Variants in SLC41A3 observed in about 807,000 individuals in gnomAD.
The protein encoded by SLC41A3 is solute carrier family 41 member 3.
SLC41A3 carries 44 observed loss-of-function variants against 45.4 expected under a neutral mutation model. The observed-to-expected ratio is 0.97, with a 90% confidence interval of 0.76 to 1.25. SLC41A3 has a LOEUF of 1.25. Ranked by LOEUF, SLC41A3 falls within the 50% of genes most tolerant of loss-of-function variation. The pLI is 0.00. For synonymous variants in SLC41A3, 256 were observed against 252.4 expected (o/e 1.01, Z -0.13); for missense variants, 550 against 600.6 (o/e 0.92, Z 0.88).
upstream of SLC41A3, among the ~76,000 whole-genome samples, chr3:126,086,231 T>C (rs1189423355): frequency 6.6e-6 from 1 of 152,148 alleles, no homozygotes; most frequent in Non-Finnish European, 1.5e-5. Context: ...AATATAATGA[T>C]CCTTGTGCAC....
At chr3:126,101,051 T>C (rs1021445680) in intron 1 of SLC41A3, among the ~76,000 whole-genome samples, 1 of 152,236 alleles carries the variant, frequency 6.6e-6, no homozygotes, top group Non-Finnish European at 1.5e-5. Flanking sequence ...CTCCATGATG[T>C]TGGACTCGGC....
At chr3:126,047,003 T>C (rs1943011595) in intron 3 of SLC41A3, among the ~76,000 whole-genome samples, 1 of 150,490 alleles carries the variant, frequency 6.6e-6, no homozygotes, top group South Asian at 2.1e-4. Context: ...ATGTCAATAC[T>C]AGCTGAAGAA....
chr3:126,064,263 G>A (rs931925670), intron 2 of SLC41A3, among the ~76,000 whole-genome samples: 1 of 152,242 alleles, frequency 6.6e-6, no homozygotes, highest in South Asian at 2.1e-4. Flanking sequence ...CAGCCCAAGA[G>A]CCTCCTTATC....
chr3:126,058,668 A>G (rs759931385), intron 2 of SLC41A3, among the ~76,000 whole-genome samples: 13 of 152,210 alleles, frequency 8.5e-5, no homozygotes, highest in Non-Finnish European at 1.3e-4. Context: ...CACAACCCAC[A>G]GGTGCACTGT....
In SLC41A3 at chr3:126,051,002, G is replaced by A. The variant is rs755229641; in HGVS notation, c.322C>T (p.Pro108Ser). 2 of 1,612,600 alleles carry A rather than the reference G, an allele frequency of 1.2e-6. No homozygotes were observed. The highest frequency in any genetic ancestry group is 1.1e-5 in the South Asian group (1 of 90,478). ...EVKDLLTLVPPLVGLKGNLEM... is the reference protein window; with the variant it reads ...EVKDLLTLVPSLVGLKGNLEM... ...AGGTTCCCCTTCAGGCCCACCAGGG[G>A]CGGCACCAATGTCAAAAGGTCTTTC... is the stretch of plus-strand genomic sequence containing the variant. The change falls in exon 3 of 11, where the codon CCC becomes TCC. Residue 108 changes from proline (P) to serine (S), a missense_variant. Pro to Ser is a moderately conservative substitution (Grantham distance 74, BLOSUM62 -1). Transcript: ENST00000360370.
At chr3:126,073,844 G>C (rs1189531513) in intron 1 of SLC41A3, among the ~76,000 whole-genome samples, 1 of 151,950 alleles carries the variant, frequency 6.6e-6, no homozygotes, top group Middle Eastern at 3.2e-3. Context: ...TTGGAGAAGG[G>C]AACACTTCCC....
intron 1 of SLC41A3, 60 bp from the exon 2 acceptor site, chr3:126,068,306 C>A: frequency 7.0e-7 from 1 of 1,419,614 alleles, no homozygotes; most frequent in Admixed American, 2.6e-5. Context: ...CGCTAACACC[C>A]AAGGAGCCTC....
At position 126,026,453 on chromosome 3, in the gene SLC41A3, CA is replaced by C; in HGVS notation, c.479del (p.Leu160TrpfsTer43). 1 of 1,604,298 alleles carries C rather than the reference CA, an allele frequency of 6.2e-7. No homozygotes were observed. The highest frequency in any genetic ancestry group is 1.1e-5 in the South Asian group (1 of 89,076). On this transcript the variant is annotated frameshift_variant, in exon 5 of 11. Coordinates refer to ENST00000360370, the MANE Select transcript of SLC41A3 (RefSeq NM_017836.4). LOFTEE classifies it high-confidence loss of function. The surrounding 1 kb of genome is among the most constrained non-coding windows in gnomAD (Gnocchi z 4.2). ...CCAACAGCAGCGCAGCCACAGCAGC[CA>C]AGAGCCCCACGACAGTGGCCTGCAC... Reference protein sequence around the residue: ...IQVQATVVGLLAAVAALLLGV... With the variant: ...IQVQATVVGLXAAVAALLLGV...
At chr3:126,064,759 C>T (rs188574434) in intron 2 of SLC41A3, among the ~76,000 whole-genome samples, 2 of 152,334 alleles carry the variant, frequency 1.3e-5, no homozygotes, top group Admixed American at 6.5e-5. Flanking sequence ...TTCTTCCCGG[C>T]ACATGCACAC....
At chr3:126,015,419 C>T in intron 8 of SLC41A3, 75 bp downstream of exon 8, 1 of 1,487,596 alleles carries the variant, frequency 6.7e-7, no homozygotes, top group Non-Finnish European at 9.3e-7. Flanking sequence ...CCTCTGAGGT[C>T]TGCTGTTCCG....
chr3:126,096,627 A>T (rs1056190900), intron 1 of SLC41A3, among the ~76,000 whole-genome samples: 3 of 152,290 alleles, frequency 2.0e-5, no homozygotes, highest in Non-Finnish European at 4.4e-5. Flanking sequence ...TGCTACAGAT[A>T]ACTAGCCAGA....
chr3:126,028,995 T>C (rs1224698101), intron 4 of SLC41A3, among the ~76,000 whole-genome samples: 1 of 152,258 alleles, frequency 6.6e-6, no homozygotes, highest in East Asian at 1.9e-4. Context: ...CCACTGTATC[T>C]TGAAAGTAAC....
intron 1 of SLC41A3, among the ~76,000 whole-genome samples, chr3:126,089,315 C>G (rs1945448131): frequency 6.6e-6 from 1 of 152,122 alleles, no homozygotes; most frequent in Non-Finnish European, 1.5e-5. Context: ...GTAAAATGGT[C>G]TTGGGGTAGA....
chr3:126,019,055 T>C (rs1940593531), intron 6 of SLC41A3, among the ~76,000 whole-genome samples: 1 of 152,200 alleles, frequency 6.6e-6, no homozygotes, highest in Non-Finnish European at 1.5e-5. Context: ...AGAAAACGAA[T>C]TTGTTCTTAC....
intron 3 of SLC41A3, among the ~76,000 whole-genome samples, chr3:126,035,107 G>C (rs945643785): frequency 3.3e-5 from 5 of 152,158 alleles, no homozygotes; most frequent in Non-Finnish European, 7.4e-5. Flanking sequence ...GACATGAGAG[G>C]GGAAGAAGTA....
chr3:126,021,518 A>C (rs1940880013), intron 6 of SLC41A3, among the ~76,000 whole-genome samples: 1 of 152,162 alleles, frequency 6.6e-6, no homozygotes, highest in South Asian at 2.1e-4. Flanking sequence ...CATTCCAGGC[A>C]CCAGTCATGG....
chr3:126,015,087 C>T (rs1439955697), intron 8 of SLC41A3, among the ~76,000 whole-genome samples: 4 of 152,186 alleles, frequency 2.6e-5, no homozygotes, highest in Admixed American at 6.5e-5. Flanking sequence ...TATCTGAGTT[C>T]TGATGTCAGC....
rs1939375773 is a variant in SLC41A3, at chr3:126,008,610, G to A, written c.1254+122C>T. ...GTTGACTCAACTCCTGGAAGATAAG[G>A]ACTGTGCCCCACACGTCCAGCCACC... On this transcript the variant is annotated intron_variant, in intron 10 of 10. Coordinates refer to ENST00000360370, the MANE Select transcript of SLC41A3 (RefSeq NM_017836.4). 5.1e-6 allele frequency: 7 copies of A among 1,364,460 alleles called. No homozygotes were observed. The South Asian group carries it at 7.9e-5, about 15-fold the overall frequency. 84.5% of individuals were successfully genotyped at this position (1,364,460 alleles called of 1,614,324 possible).
intron 2 of SLC41A3, among the ~76,000 whole-genome samples, chr3:126,059,255 G>GA (rs1188360547): frequency 3.6e-4 from 1 of 2,806 alleles, no homozygotes; most frequent in South Asian, 0.062. Flanking sequence ...AAGAAAGAAA[G>GA]AAAGAAAGAA....
Sources: gnomAD v4.1 joint callset for allele counts (sites outside exome capture counted in the v4.1 genomes callset) on GRCh38, gnomAD v4.1.1 for gene constraint, Gnocchi (gnomAD v3.1) non-coding constraint, MANE v1.5 for transcripts, NCBI Gene and HGNC (gene_info 2026-07-23, HGNC 2026-07-21) for gene names.